Variants in STARD13 observed in about 807,000 individuals in gnomAD.
STARD13 encodes stAR-related lipid transfer protein 13.
In STARD13, 62 loss-of-function variants were observed where a neutral mutation model predicts 106.4. That is an observed-to-expected ratio of 0.58 (90% CI 0.48 to 0.72). STARD13 has a LOEUF of 0.72. Ranked by LOEUF, STARD13 falls within the 30% of genes least tolerant of loss-of-function variation. The pLI is 0.00. For missense variants in STARD13, 1,387 were observed against 1,424.0 expected (o/e 0.97, Z 0.42); for synonymous variants, 565 against 553.0 (o/e 1.02, Z -0.31).
At chr13:33,232,261 C>T (rs187442959) in intron 1 of STARD13, among the ~76,000 whole-genome samples, 16 of 152,068 alleles carry the variant, frequency 1.1e-4, no homozygotes, top group African/African-American at 2.2e-4. Context: ...TGCAGTGAGC[C>T]GAGATCACGC....
At chr13:33,302,120 A>C (rs1475997297) in intron 1 of STARD13, among the ~76,000 whole-genome samples, 1 of 152,196 alleles carries the variant, frequency 6.6e-6, no homozygotes, top group African/African-American at 2.4e-5. Context: ...AAACAAATTC[A>C]TACCTACCTG....
chr13:33,217,126 A>G (rs999222433), intron 1 of STARD13, among the ~76,000 whole-genome samples: 1 of 152,144 alleles, frequency 6.6e-6, no homozygotes, highest in African/African-American at 2.4e-5. Flanking sequence ...GGCTGGCTTC[A>G]GGTCTCTTCT....
At chr13:33,357,317 T>C in the STARD13 span, among the ~76,000 whole-genome samples, 2 of 152,364 alleles carry the variant, frequency 1.3e-5, no homozygotes, top group South Asian at 4.1e-4. Flanking sequence ...TCCACAAATA[T>C]GTGTTCAACA....
the STARD13 span, among the ~76,000 whole-genome samples, chr13:33,609,034 C>T: frequency 5.1e-5 from 7 of 138,130 alleles, no homozygotes; most frequent in African/African-American, 1.4e-4. Flanking sequence ...TGCAGTGAGC[C>T]GAGATTGCGC....
At chr13:33,549,878 C>T in the STARD13 span, among the ~76,000 whole-genome samples, 1 of 152,130 alleles carries the variant, frequency 6.6e-6, no homozygotes, top group African/African-American at 2.4e-5. Context: ...AGAGGTTGTG[C>T]CAGGCATGCA....
At chr13:33,277,817 T>C (rs1891528368) in intron 1 of STARD13, 1 of 152,196 alleles carries the variant, frequency 6.6e-6, no homozygotes, top group African/African-American at 2.4e-5. Flanking sequence ...ACTCTACCCA[T>C]ATACCGACTC....
the STARD13 span, among the ~76,000 whole-genome samples, chr13:33,640,848 T>C: frequency 6.6e-6 from 1 of 152,196 alleles, no homozygotes; most frequent in South Asian, 2.1e-4. Flanking sequence ...CCTTTTCTAA[T>C]ATAAGGGAAG....
chr13:33,483,258 A>G, the STARD13 span, among the ~76,000 whole-genome samples: 5 of 152,344 alleles, frequency 3.3e-5, no homozygotes, highest in African/African-American at 9.6e-5. Flanking sequence ...GTCCAAACTT[A>G]CAGTGGTAAG....
the STARD13 span, chr13:33,383,754 C>CAAAAAA: frequency 4.7e-4 from 13 of 27,770 alleles, no homozygotes; most frequent in Admixed American, 5.5e-4. Context: ...GAGACTGTCT[C>CAAAAAA]AAAAAAAAAA....
chr13:33,511,099 G>A, the STARD13 span, among the ~76,000 whole-genome samples: 2 of 151,984 alleles, frequency 1.3e-5, no homozygotes, highest in Non-Finnish European at 2.9e-5. Context: ...GACTTGACTA[G>A]CCAAGAGTTG....
At chr13:33,644,010 C>T in the STARD13 span, among the ~76,000 whole-genome samples, 4 of 152,246 alleles carry the variant, frequency 2.6e-5, no homozygotes, top group African/African-American at 9.6e-5. Context: ...TACTTGTTAG[C>T]TTCAGTTTTG....
chr13:33,229,778 C>T (rs760688251), intron 1 of STARD13, among the ~76,000 whole-genome samples: 7 of 152,220 alleles, frequency 4.6e-5, no homozygotes, highest in Admixed American at 6.5e-5. Flanking sequence ...ACTTTCCCTA[C>T]GCATCACCCT....
chr13:33,244,548 C>A (rs890382097), intron 1 of STARD13, among the ~76,000 whole-genome samples: 4 of 151,986 alleles, frequency 2.6e-5, no homozygotes. Flanking sequence ...TTGGCCATGC[C>A]ACTTGTTTTG....
At chr13:33,675,478 G>A in the STARD13 span, among the ~76,000 whole-genome samples, 5 of 152,182 alleles carry the variant, frequency 3.3e-5, no homozygotes, top group African/African-American at 1.2e-4. Context: ...TACTCAATAT[G>A]TAGGTAGGAG....
chr13:33,321,499 G>A (rs1188854655), intron 1 of STARD13, among the ~76,000 whole-genome samples: 4 of 148,316 alleles, frequency 2.7e-5, no homozygotes, highest in South Asian at 2.1e-4. Context: ...GAGAGACTCC[G>A]TCTCAGGGAA....
intron 1 of STARD13, among the ~76,000 whole-genome samples, chr13:33,214,348 C>T (rs1046647461): frequency 6.6e-6 from 1 of 152,162 alleles, no homozygotes; most frequent in Non-Finnish European, 1.5e-5. Context: ...TCTAGGAATC[C>T]TAAGCTCCTG....
the STARD13 span, among the ~76,000 whole-genome samples, chr13:33,475,481 C>G: frequency 6.6e-6 from 1 of 152,138 alleles, no homozygotes; most frequent in Non-Finnish European, 1.5e-5. Flanking sequence ...TCCTAAGCTA[C>G]CTTTGTCAAG....
the STARD13 span, among the ~76,000 whole-genome samples, chr13:33,572,529 T>G: frequency 1.3e-5 from 2 of 152,354 alleles, no homozygotes; most frequent in Admixed American, 1.3e-4. Flanking sequence ...ACTTGTTCAT[T>G]ACTCAAACTC....
chr13:33,228,939 C>A (rs919943918), intron 1 of STARD13, among the ~76,000 whole-genome samples: 6 of 152,080 alleles, frequency 3.9e-5, no homozygotes, highest in Non-Finnish European at 8.8e-5. Context: ...CTCCAAGATA[C>A]CAAATTGCAA....
Sources: gnomAD v4.1 joint callset for allele counts (sites outside exome capture counted in the v4.1 genomes callset) on GRCh38, gnomAD v4.1.1 for gene constraint, MANE v1.5 for transcripts, NCBI Gene and HGNC (gene_info 2026-07-23, HGNC 2026-07-21) for gene names.